The following RFX7 variants were observed in gnomAD, a reference collection of about 807,000 sequenced individuals.
The protein encoded by RFX7 is DNA-binding protein RFX7.
Under a neutral mutation model 111.8 loss-of-function variants are expected in RFX7, and 26 were observed. The ratio of observed to expected loss-of-function variants is 0.23; its 90% CI spans 0.17 to 0.32. RFX7 has a LOEUF of 0.32. Among genes scored for constraint, RFX7 ranks in the 10% least tolerant of loss-of-function variants. The pLI is 1.00. For synonymous variants in RFX7, 624 were observed against 624.4 expected (o/e 1.00, Z 0.01); for missense variants, 1,573 against 1,772.9 (o/e 0.89, Z 2.02).
At chr15:56,204,946 A>G (rs1171435068) in intron 2 of RFX7, among the ~76,000 whole-genome samples, 1 of 152,156 alleles carries the variant, frequency 6.6e-6, no homozygotes, top group Non-Finnish European at 1.5e-5. Flanking sequence ...AGAAACATCT[A>G]AAACGATCAT....
chr15:56,242,495 A>AT (rs2043708219), intron 2 of RFX7, among the ~76,000 whole-genome samples: 1 of 152,212 alleles, frequency 6.6e-6, no homozygotes, highest in Admixed American at 6.5e-5. Context: ...CTATATTTTA[A>AT]TTTAAAAAAA....
intron 3 of RFX7, among the ~76,000 whole-genome samples, chr15:56,178,879 G>A (rs2042932446): frequency 6.6e-6 from 1 of 152,048 alleles, no homozygotes; most frequent in Admixed American, 6.6e-5. Context: ...CCTACAGGCT[G>A]CCAACCAAAA....
intron 6 of RFX7, among the ~76,000 whole-genome samples, chr15:56,102,571 T>C (rs2140528074): frequency 6.6e-6 from 1 of 152,288 alleles, no homozygotes; most frequent in Non-Finnish European, 1.5e-5. Flanking sequence ...AGGAAAGGAA[T>C]AGCCAGATGG....
In RFX7 at chr15:56,241,794, G is replaced by A. The variant is rs2141249467; in HGVS notation, c.161+1331C>T. On this transcript the variant is annotated intron_variant, in intron 2 of 9. Transcript: ENST00000559447. ...TTGCCACAACATGACTATTGTCAAA[G>A]CCAAAAAAATTCTCCTTTAAAATAT... 1.3e-5 allele frequency among the ~76,000 whole-genome samples: 2 copies of A among 152,044 alleles called. 1 individual carries two copies. Among genetic ancestry groups the A allele is most frequent in the South Asian group, 4.2e-4 (2 of 4,814 alleles).
In RFX7 at chr15:56,091,097, C is replaced by T. The variant is rs2041590961; in HGVS notation, c.*2248G>A. The T allele has an allele frequency of 1.3e-5, 2 of 152,518 alleles. No homozygotes were observed. Among genetic ancestry groups the T allele is most frequent in the African/African-American group, 2.4e-5 (1 of 41,442 alleles). 9.4% of individuals were successfully genotyped at this position (152,518 alleles called of 1,614,324 possible). A position where few individuals can be genotyped will look rare whatever the true frequency, so the allele number is the denominator to read the frequency against. ...TACTGTACAAGATAAGTCAATAACACTCATGCACATTTTGTGATCATGTAT... is the reference window on the plus strand; with the variant it reads ...TACTGTACAAGATAAGTCAATAACATTCATGCACATTTTGTGATCATGTAT... On this transcript the variant is annotated 3_prime_UTR_variant, in exon 10 of 10. Transcript: ENST00000559447.
Position 56,092,116 on chromosome 15 carries a change from T to C in RFX7, c.*1229A>G, listed in dbSNP as rs2041603666. 1 of 152,550 alleles carries C rather than the reference T, an allele frequency of 6.6e-6. No individual in the cohort carries two copies. Among genetic ancestry groups the C allele is most frequent in the Non-Finnish European group, 1.5e-5 (1 of 67,980 alleles). The allele number at this position is 152,550 out of a possible 1,614,324, so 9.4% of individuals were successfully genotyped here. A position where few individuals can be genotyped will look rare whatever the true frequency, so the allele number is the denominator to read the frequency against. On this transcript the variant is annotated 3_prime_UTR_variant, in exon 10 of 10. Coordinates refer to ENST00000559447, the MANE Select transcript of RFX7 (RefSeq NM_022841.7). ...ATGGGAGCCATAGAGAGAAACATTT[T>C]AAAACAAATCCTGAGTTCTTCTTTT...
intron 3 of RFX7, among the ~76,000 whole-genome samples, chr15:56,152,114 T>G (rs2042577888): frequency 6.6e-6 from 1 of 152,196 alleles, no homozygotes; most frequent in Admixed American, 6.5e-5. Context: ...AGTAGGAGAC[T>G]TTAACACCCC....
At position 56,203,285 on chromosome 15, in the gene RFX7, C is replaced by T. The variant is rs568931031; in HGVS notation, c.162-23982G>A. On this transcript the variant is annotated intron_variant, in intron 2 of 9. Transcript: ENST00000559447. ...GCCCGTATTCTAGAAGTACACTTTGCGAAGACACTTCTTCCTAATATCTGT... is the reference window on the plus strand; with the variant it reads ...GCCCGTATTCTAGAAGTACACTTTGTGAAGACACTTCTTCCTAATATCTGT... Among the ~76,000 whole-genome samples the T allele has an allele frequency of 5.3e-5, 8 of 152,210 alleles. No individual in the cohort carries two copies. The South Asian group carries it at 1.2e-3, about 24-fold the overall frequency.
chr15:56,205,766 T>C (rs2043244097), intron 2 of RFX7, among the ~76,000 whole-genome samples: 1 of 152,174 alleles, frequency 6.6e-6, no homozygotes, highest in South Asian at 2.1e-4. Context: ...CACTCAAATA[T>C]GCTCAAGTGA....
At chr15:56,164,504 G>C (rs181697616) in intron 3 of RFX7, among the ~76,000 whole-genome samples, 227 of 152,326 alleles carry the variant, frequency 1.5e-3, no homozygotes, top group African/African-American at 5.3e-3. Flanking sequence ...AGACTAGGAA[G>C]GTTATACCCA....
At chr15:56,134,489 T>C (rs141999967) in intron 5 of RFX7, among the ~76,000 whole-genome samples, 49 of 152,204 alleles carry the variant, frequency 3.2e-4, no homozygotes, top group African/African-American at 1.1e-3. Context: ...AATAATTCTC[T>C]CCAATTCCAT....
intron 3 of RFX7, among the ~76,000 whole-genome samples, chr15:56,169,761 A>G (rs932406822): frequency 3.7e-5 from 5 of 135,860 alleles, no homozygotes; most frequent in African/African-American, 1.4e-4. Context: ...ACCTGCTCAA[A>G]TCCTTCCTGC....
intron 3 of RFX7, among the ~76,000 whole-genome samples, chr15:56,147,555 A>G (rs1433093089): frequency 2.6e-5 from 4 of 151,684 alleles, no homozygotes; most frequent in Admixed American, 6.6e-5. Flanking sequence ...TGCTATGTAT[A>G]TTTTACTACA....
intron 3 of RFX7, among the ~76,000 whole-genome samples, chr15:56,153,541 C>T (rs1475518934): frequency 6.6e-6 from 1 of 151,986 alleles, no homozygotes. Context: ...CCAATGACAA[C>T]AACCATATGA....
At chr15:56,218,089 A>G (rs12591093) in intron 2 of RFX7, among the ~76,000 whole-genome samples, 19,173 of 144,346 alleles carry the variant, frequency 0.13, 1,640 homozygotes, top group East Asian at 0.45. Context: ...TATAAAAACG[A>G]TTTGCACAGC....
At chr15:56,186,580 T>G (rs1335777799) in intron 2 of RFX7, among the ~76,000 whole-genome samples, 7 of 152,056 alleles carry the variant, frequency 4.6e-5, no homozygotes, top group African/African-American at 1.4e-4. Flanking sequence ...CTAGGAGTCT[T>G]TTATTATATG....
intron 2 of RFX7, among the ~76,000 whole-genome samples, chr15:56,214,881 T>A (rs1474265634): frequency 2.6e-5 from 4 of 151,890 alleles, no homozygotes; most frequent in Admixed American, 2.0e-4. Flanking sequence ...TCTGTGTAGA[T>A]TGAGTTTTCC....
rs528779481 is a variant in RFX7 at position 56,156,985 on chromosome 15, A to G, written c.196-12502T>C. Among the ~76,000 whole-genome samples, 3 of 152,334 alleles carry G rather than the reference A, an allele frequency of 2.0e-5. No homozygotes were observed. The East Asian group carries it at 5.8e-4, about 29-fold the overall frequency. On this transcript the variant is annotated intron_variant, in intron 3 of 9. Transcript: ENST00000559447. ...CTGAAAATCTGGACTTCTAACAAGC[A>G]CCTAGGAGATGCTGCTAATGCTGGT...
At chr15:56,123,461 C>T (rs984188725) in intron 5 of RFX7, among the ~76,000 whole-genome samples, 4 of 152,178 alleles carry the variant, frequency 2.6e-5, no homozygotes, top group Non-Finnish European at 4.4e-5. Context: ...GTCCTCTTCA[C>T]GTTTCCTTCT....
Sources: allele counts gnomAD v4.1 joint callset (sites outside exome capture counted in the v4.1 genomes callset), GRCh38; gene constraint gnomAD v4.1.1; transcripts MANE v1.5; gene names NCBI Gene and HGNC (gene_info 2026-07-23, HGNC 2026-07-21).